Variants in RIMS1 observed in about 807,000 individuals in gnomAD.
The protein encoded by RIMS1 is regulating synaptic membrane exocytosis protein 1.
In RIMS1, 83 loss-of-function variants were observed where a neutral mutation model predicts 214.1. The observed-to-expected ratio is 0.39, with a 90% CI of 0.32 to 0.47. RIMS1 has a LOEUF of 0.47. Among genes scored for constraint, RIMS1 ranks in the 20% least tolerant of loss-of-function variants. The pLI, the probability that RIMS1 is intolerant of heterozygous loss-of-function variation, is 0.99. For synonymous variants in RIMS1, 793 were observed against 786.8 expected (o/e 1.01, Z -0.13); for missense variants, 2,050 against 2,161.8 (o/e 0.95, Z 1.03).
chr6:72,233,982 G>GA, intron 7 of RIMS1, 142 bp downstream of exon 7: 1 of 521,362 alleles, frequency 1.9e-6, no homozygotes, highest in East Asian at 3.0e-5. Flanking sequence ...CAATTTTGAA[G>GA]AAAAAAAGTT....
rs757766493 is a variant in RIMS1 at position 71,983,059 on chromosome 6, A to T, written c.245+13996A>T. On this transcript the variant is annotated intron_variant, in intron 2 of 33. Coordinates refer to ENST00000521978, the MANE Select transcript of RIMS1 (RefSeq NM_014989.7). The stretch of plus-strand genomic sequence containing the variant: ...CCACTCCTCTTTTTCCACCAATGAT[A>T]ATCCTGCCTGTGACTCAAGTCTCTG... Among the ~76,000 whole-genome samples the T allele has an allele frequency of 3.8e-4, 58 of 152,130 alleles. No individual in the cohort carries two copies. In the Middle Eastern group the frequency reaches 0.01, roughly 27 times the overall value.
At chr6:71,985,293 C>T (rs941627435) in intron 2 of RIMS1, among the ~76,000 whole-genome samples, 7 of 151,822 alleles carry the variant, frequency 4.6e-5, no homozygotes, top group South Asian at 2.1e-4. Context: ...CGGGAGGCTG[C>T]GGTGGGAGGG....
At chr6:72,316,541 A>G (rs549738620) in intron 28 of RIMS1, 5 of 380,422 alleles carry the variant, frequency 1.3e-5, no homozygotes, top group African/African-American at 2.1e-5. Context: ...TTGGCTCCCT[A>G]TCAAGAAGCT....
At chr6:72,167,917 T>G (rs1025084140) in intron 4 of RIMS1, among the ~76,000 whole-genome samples, 6 of 151,830 alleles carry the variant, frequency 4.0e-5, no homozygotes, top group Admixed American at 3.3e-4. Flanking sequence ...TTTTTTTTAG[T>G]TTATATTTCA....
At chr6:71,936,956 A>G (rs944542189) in intron 1 of RIMS1, among the ~76,000 whole-genome samples, 1 of 151,728 alleles carries the variant, frequency 6.6e-6, no homozygotes, top group African/African-American at 2.4e-5. Flanking sequence ...ATCACTGTCC[A>G]GTTCTGCTGT....
chr6:72,186,550 C>T (rs1405816065), intron 6 of RIMS1, among the ~76,000 whole-genome samples: 1 of 152,112 alleles, frequency 6.6e-6, no homozygotes, highest in Non-Finnish European at 1.5e-5. Flanking sequence ...CTTCTGTTCA[C>T]TCAGATTTAA....
chr6:71,955,059 T>C (rs934602576), intron 1 of RIMS1, among the ~76,000 whole-genome samples: 3 of 152,246 alleles, frequency 2.0e-5, no homozygotes, highest in African/African-American at 7.2e-5. Flanking sequence ...AAATATATTT[T>C]ATTCTATGAA....
intron 24 of RIMS1, among the ~76,000 whole-genome samples, chr6:72,284,571 T>C (rs1244212213): frequency 6.6e-6 from 1 of 152,204 alleles, no homozygotes; most frequent in East Asian, 1.9e-4. Context: ...TGGTATATTA[T>C]AACCAAGGAT....
intron 4 of RIMS1, among the ~76,000 whole-genome samples, chr6:72,144,265 T>C (rs978568014): frequency 6.6e-6 from 1 of 152,218 alleles, no homozygotes; most frequent in African/African-American, 2.4e-5. Flanking sequence ...TCAATGGTTC[T>C]GAATTTCAGA....
At chr6:72,279,152 C>T (rs897885572) in intron 23 of RIMS1, among the ~76,000 whole-genome samples, 9 of 151,768 alleles carry the variant, frequency 5.9e-5, no homozygotes, top group Non-Finnish European at 1.2e-4. Flanking sequence ...TATTTACCAA[C>T]GTCTTTAGAG....
At chr6:72,337,827 G>A (rs2096898561) in intron 29 of RIMS1, among the ~76,000 whole-genome samples, 1 of 146,172 alleles carries the variant, frequency 6.8e-6, no homozygotes, top group Non-Finnish European at 1.5e-5. Flanking sequence ...ACCTATGAGT[G>A]AGAACATGCA....
chr6:72,233,289 CA>C (rs2062720804), intron 6 of RIMS1, among the ~76,000 whole-genome samples: 1 of 151,474 alleles, frequency 6.6e-6, no homozygotes. Context: ...CACTGTGTCC[CA>C]AAAAATGTAT....
At position 72,390,735 on chromosome 6, in the gene RIMS1, A is replaced by G; in HGVS notation, c.4504A>G (p.Asn1502Asp). 6.2e-7 allele frequency: 1 copy of G among 1,613,670 alleles called. No homozygotes were observed. The highest frequency in any genetic ancestry group is 8.5e-7 in the Non-Finnish European group (1 of 1,179,674). Residue 1502 changes from asparagine to aspartate, a missense_variant and splice_region_variant, in exon 30 of 34, where the codon AAT becomes GAT. By Grantham distance (23) the Asn-to-Asp change is conservative. Around this residue, in one of 6 missense-constraint regions of RIMS1, gnomAD observed 121 missense variants for 187.3 expected, o/e 0.65. Transcript: ENST00000521978. ...GSINSYSSEG[N>D]LIFPGVRLGA... ...CATCAACAGTTACAGCTCTGAGGGC[A>G]AGTAAGTGCTGTCAGCACGTCTGCA...
chr6:72,250,357 C>T lies in RIMS1; in HGVS notation c.2269C>T (p.His757Tyr), dbSNP rs2072637990. 3 of 1,609,452 alleles carry T rather than the reference C, an allele frequency of 1.9e-6. No homozygotes were observed. The highest frequency in any genetic ancestry group is 2.5e-6 in the Non-Finnish European group (3 of 1,177,808). Residue 757 changes from histidine to tyrosine, a missense_variant, in exon 13 of 34, where the codon CAC (histidine) becomes TAC (tyrosine). Coordinates refer to ENST00000521978, the MANE Select transcript of RIMS1 (RefSeq NM_014989.7). ...SVKLWYDKVG[H>Y]QLIVNVLQAT... Reference sequence around the variant, plus strand: ...GAAGTTGTGGTATGATAAAGTGGGACACCAGCTGATTGTAAATGTTCTGCA... The same window carrying T: ...GAAGTTGTGGTATGATAAAGTGGGATACCAGCTGATTGTAAATGTTCTGCA...
intron 29 of RIMS1, among the ~76,000 whole-genome samples, chr6:72,375,986 A>C (rs2098365303): frequency 6.6e-6 from 1 of 152,216 alleles, no homozygotes; most frequent in African/African-American, 2.4e-5. Context: ...AAGAGAAAAG[A>C]GATGGTTTCT....
intron 1 of RIMS1, among the ~76,000 whole-genome samples, chr6:71,941,517 T>G (rs1786141613): frequency 6.6e-6 from 1 of 152,210 alleles, no homozygotes; most frequent in African/African-American, 2.4e-5. Context: ...TTGATTTTAT[T>G]TTTTGCTGTG....
intron 29 of RIMS1, among the ~76,000 whole-genome samples, chr6:72,352,835 C>T (rs2097504069): frequency 1.3e-5 from 2 of 151,968 alleles, no homozygotes; most frequent in South Asian, 2.1e-4. Flanking sequence ...GGATGGGACC[C>T]GAGAAATAAA....
At chr6:72,078,374 A>G (rs1832431150) in intron 2 of RIMS1, among the ~76,000 whole-genome samples, 1 of 152,120 alleles carries the variant, frequency 6.6e-6, no homozygotes, top group African/African-American at 2.4e-5. Flanking sequence ...CCTGTAGTTA[A>G]TCTGAGCTCT....
chr6:72,016,698 G>A (rs962310320), intron 2 of RIMS1, among the ~76,000 whole-genome samples: 1 of 152,076 alleles, frequency 6.6e-6, no homozygotes, highest in Non-Finnish European at 1.5e-5. Context: ...TTTTATTCTA[G>A]AAGTGCTTTT....
Sources: gnomAD v4.1 joint callset for allele counts (sites outside exome capture counted in the v4.1 genomes callset) on GRCh38, gnomAD v4.1.1 for gene constraint, gnomAD v4.1.1 regional missense constraint, MANE v1.5 for transcripts, NCBI Gene and HGNC (gene_info 2026-07-23, HGNC 2026-07-21) for gene names.